Variants in ARL14EPL observed in about 807,000 individuals in gnomAD.
ARL14EPL encodes the protein ARL14 effector protein-like.
Under a neutral mutation model 15.9 loss-of-function variants are expected in ARL14EPL, and 17 were observed. The ratio of observed to expected loss-of-function variants is 1.07; its 90% CI spans 0.73 to 1.60. The LOEUF (loss-of-function observed/expected upper bound fraction) is 1.60. Among genes scored for constraint, ARL14EPL ranks in the 40% most tolerant of loss-of-function variants. The pLI is 0.00. For missense variants in ARL14EPL, 214 were observed against 185.9 expected (o/e 1.15, Z -0.88); for synonymous variants, 78 against 63.8 (o/e 1.22, Z -1.06).
chr5:116,038,474 G>A (rs1749089156), intron 1 of ARL14EPL, among the ~76,000 whole-genome samples: 1 of 152,178 alleles, frequency 6.6e-6, no homozygotes, highest in African/African-American at 2.4e-5. Flanking sequence ...TCAGGCTAAT[G>A]GAAGGATGCG....
chr5:116,034,180 A>G (rs547768437), intron 1 of ARL14EPL, among the ~76,000 whole-genome samples: 5 of 152,256 alleles, frequency 3.3e-5, no homozygotes, highest in African/African-American at 1.2e-4. Flanking sequence ...CTTTGAAAAT[A>G]GTTCTTTAGT....
At chr5:116,054,230 T>C in intron 3 of ARL14EPL, 77 bp downstream of exon 3, 1 of 1,348,252 alleles carries the variant, frequency 7.4e-7, no homozygotes, top group Non-Finnish European at 9.8e-7. Flanking sequence ...CAATGAAAGA[T>C]TCCCTCTTTT....
intron 2 of ARL14EPL, chr5:116,051,797 T>C: frequency 1.3e-6 from 1 of 784,314 alleles, no homozygotes; most frequent in Non-Finnish European, 2.0e-6. Context: ...CAGTGTTCTG[T>C]ACAATAAAAT....
chr5:116,052,315 G>T, intron 2 of ARL14EPL: 6 of 1,080,484 alleles, frequency 5.6e-6, no homozygotes, highest in Non-Finnish European at 8.6e-6. Flanking sequence ...AGCAGACACC[G>T]CAGCCTTGCA....
At chr5:116,050,772 T>A (rs866410607) in intron 1 of ARL14EPL, among the ~76,000 whole-genome samples, 2 of 136,936 alleles carry the variant, frequency 1.5e-5, no homozygotes, top group African/African-American at 2.7e-5. Context: ...CCATATTGTA[T>A]GGGCTCCATC....
chr5:116,056,469 C>T (rs562105061), intron 3 of ARL14EPL, among the ~76,000 whole-genome samples: 375 of 152,276 alleles, frequency 2.5e-3, no homozygotes, highest in African/African-American at 8.5e-3. Context: ...CTCTTCATAT[C>T]CTTCGCCCAC....
intron 1 of ARL14EPL, among the ~76,000 whole-genome samples, chr5:116,034,228 G>T (rs1412074408): frequency 6.6e-6 from 1 of 152,182 alleles, no homozygotes; most frequent in Non-Finnish European, 1.5e-5. Context: ...AAGGCGGTTA[G>T]TCCCATCATT....
intron 1 of ARL14EPL, among the ~76,000 whole-genome samples, chr5:116,036,340 A>T (rs1472374889): frequency 3.3e-5 from 5 of 152,230 alleles, no homozygotes. Flanking sequence ...TCCGTAGACC[A>T]GAAATAATAC....
chr5:116,049,587 T>C lies in ARL14EPL; in HGVS notation c.-9-1870T>C, dbSNP rs377693747. On this transcript the variant is annotated intron_variant, in intron 1 of 3. Transcript: ENST00000686077. ...AGGTTTGGATTATGATGGAACTCAT[T>C]AGCTTGGTAAAGAGCTAAGTACCCA... Among the ~76,000 whole-genome samples, 10 of 152,348 alleles carry C rather than the reference T, an allele frequency of 6.6e-5. No individual in the cohort carries two copies. The South Asian group carries it at 1.0e-3, about 16-fold the overall frequency.
At chr5:116,058,449 A>G (rs1749569653) in intron 3 of ARL14EPL, among the ~76,000 whole-genome samples, 1 of 152,218 alleles carries the variant, frequency 6.6e-6, no homozygotes, top group Admixed American at 6.5e-5. Flanking sequence ...AATGCTGGAA[A>G]AATGAAGTGT....
intron 1 of ARL14EPL, among the ~76,000 whole-genome samples, chr5:116,033,772 A>G (rs2112663412): frequency 6.6e-6 from 1 of 152,344 alleles, no homozygotes; most frequent in Non-Finnish European, 1.5e-5. Context: ...AAAGTATATT[A>G]TAACTTATTT....
intron 3 of ARL14EPL, among the ~76,000 whole-genome samples, chr5:116,055,999 A>C (rs1314050237): frequency 1.3e-5 from 2 of 152,192 alleles, no homozygotes; most frequent in Non-Finnish European, 2.9e-5. Context: ...ATGGTTGCAT[A>C]GTATTCCATG....
At chr5:116,039,218 T>A (rs551704772) in intron 1 of ARL14EPL, among the ~76,000 whole-genome samples, 106 of 152,308 alleles carry the variant, frequency 7.0e-4, no homozygotes, top group African/African-American at 2.4e-3. Context: ...ACCTAACCAC[T>A]TGCTCTCTTA....
At chr5:116,033,308 A>G (rs1001230313) in intron 1 of ARL14EPL, among the ~76,000 whole-genome samples, 1 of 151,996 alleles carries the variant, frequency 6.6e-6, no homozygotes, top group Non-Finnish European at 1.5e-5. Flanking sequence ...TATTTTTTTC[A>G]CTTTTAGTGT....
intron 1 of ARL14EPL, among the ~76,000 whole-genome samples, chr5:116,037,472 C>T (rs1192314639): frequency 6.6e-6 from 1 of 152,128 alleles, no homozygotes; most frequent in Admixed American, 6.5e-5. Context: ...ACAAATCATA[C>T]CTAGTGGAGA....
chr5:116,057,056 A>C (rs910098682), intron 3 of ARL14EPL, among the ~76,000 whole-genome samples: 4 of 152,226 alleles, frequency 2.6e-5, no homozygotes, highest in African/African-American at 9.6e-5. Flanking sequence ...ATCCAGCAGC[A>C]TATCAAAAAG....
intron 1 of ARL14EPL, among the ~76,000 whole-genome samples, chr5:116,048,403 G>A (rs910032506): frequency 1.3e-5 from 2 of 152,062 alleles, no homozygotes; most frequent in African/African-American, 4.8e-5. Context: ...CTGCCTTTTG[G>A]CAGTTCTTAA....
At chr5:116,032,769 T>G (rs1203322049) in intron 1 of ARL14EPL, among the ~76,000 whole-genome samples, 1 of 152,062 alleles carries the variant, frequency 6.6e-6, no homozygotes, top group Non-Finnish European at 1.5e-5. Context: ...TACATAGCTG[T>G]GTATTCTGAG....
chr5:116,040,391 C>T (rs2662460), intron 1 of ARL14EPL, among the ~76,000 whole-genome samples: 42,381 of 150,046 alleles, frequency 0.28, 6,057 homozygotes, highest in East Asian at 0.38. Context: ...GAAATTATAG[C>T]CGTTTGGTAT....
Sources: gnomAD v4.1 joint callset for allele counts (sites outside exome capture counted in the v4.1 genomes callset) on GRCh38, gnomAD v4.1.1 for gene constraint, MANE v1.5 for transcripts, NCBI Gene and HGNC (gene_info 2026-07-23, HGNC 2026-07-21) for gene names.